The following CACNA1A variants were observed in gnomAD, a reference collection of about 807,000 sequenced individuals.
The protein encoded by CACNA1A is calcium voltage-gated channel subunit alpha1 A.
In CACNA1A, 57 loss-of-function variants were observed where a neutral mutation model predicts 262.4. The observed-to-expected ratio is 0.22, with a 90% CI of 0.18 to 0.27. The LOEUF is 0.27. CACNA1A is among the 10% of genes least tolerant of loss of function. CACNA1A has a pLI of 1.00. For missense variants in CACNA1A, 2,526 were observed against 3,562.8 expected (o/e 0.71, Z 7.41); for synonymous variants, 1,431 against 1,419.3 (o/e 1.01, Z -0.18).
rs779044548 is a variant in CACNA1A, at chr19:13,209,440, C to T, written c.6398G>A (p.Arg2133Gln). Reference protein sequence around the residue: ...RSASVLGPKARRLDDYSLERV... With the variant: ...RSASVLGPKAQRLDDYSLERV... Reference sequence around the variant, plus strand: ...CTCCAGCGAGTAATCGTCCAGGCGTCGGGCCTTGGGGCCCAGCACGGAGGC... The same window carrying T: ...CTCCAGCGAGTAATCGTCCAGGCGTTGGGCCTTGGGGCCCAGCACGGAGGC... The change falls in exon 45 of 47, where the codon CGA (arginine) becomes CAA (glutamine). Residue 2133 changes from arginine (R) to glutamine (Q), a missense_variant. By Grantham distance (43) the Arg-to-Gln change is conservative. Coordinates refer to ENST00000360228, the MANE Select transcript of CACNA1A (RefSeq NM_001127222.2). 1.3e-5 allele frequency: 18 copies of T among 1,378,828 alleles called. No homozygotes were observed. Among genetic ancestry groups the T allele is most frequent in the South Asian group, 3.8e-5 (2 of 52,238 alleles). The allele number at this position is 1,378,828 out of a possible 1,614,324, so 85.4% of individuals were successfully genotyped here. A position where few individuals can be genotyped will look rare whatever the true frequency, so the allele number is the denominator to read the frequency against.
intron 3 of CACNA1A, among the ~76,000 whole-genome samples, chr19:13,379,582 A>G (rs1192779322): frequency 6.6e-6 from 1 of 152,108 alleles, no homozygotes; most frequent in Admixed American, 6.5e-5. Context: ...CATTTCTATC[A>G]GTAAAGGCAC....
At chr19:13,245,482 C>G in intron 30 of CACNA1A, 1 of 560,650 alleles carries the variant, frequency 1.8e-6, no homozygotes, top group Non-Finnish European at 3.2e-6. Flanking sequence ...ATTGGCCTGG[C>G]CCCAGAGGGG....
intron 1 of CACNA1A, among the ~76,000 whole-genome samples, chr19:13,483,257 T>G (rs139267360): frequency 6.6e-6 from 1 of 152,128 alleles, no homozygotes; most frequent in Non-Finnish European, 1.5e-5. Flanking sequence ...AATCACCACA[T>G]GGAATGCCAC....
rs771768635 is a variant in CACNA1A at position 13,212,496 on chromosome 19, T to C, written c.6077A>G (p.Glu2026Gly). 8.2e-6 allele frequency: 13 copies of C among 1,585,300 alleles called. No individual in the cohort carries two copies. In the Admixed American group the frequency reaches 2.4e-4, roughly 29 times the overall value. Residue 2026 changes from glutamate to glycine, a missense_variant, in exon 42 of 47, where the codon GAG becomes GGG. This residue lies in a region of CACNA1A where 929 missense variants were observed against 868.1 expected (regional missense o/e 1.07). Coordinates refer to ENST00000360228, the MANE Select transcript of CACNA1A (RefSeq NM_001127222.2). This position sits in a 1 kb window ranked among gnomAD's most constrained non-coding sequence, Gnocchi z 5.6. ...ALMAHESGLKESPSWVTQRAQ... is the reference protein window; with the variant it reads ...ALMAHESGLKGSPSWVTQRAQ... ...ACGCTGGGTCACCCAGGACGGGCTCTCCTTGAGGCCGCTTTCGTGAGCCAT... is the reference window on the plus strand; with the variant it reads ...ACGCTGGGTCACCCAGGACGGGCTCCCCTTGAGGCCGCTTTCGTGAGCCAT...
At chr19:13,210,494 T>G in intron 44 of CACNA1A, 123 bp downstream of exon 44, 1 of 763,154 alleles carries the variant, frequency 1.3e-6, no homozygotes, top group South Asian at 1.7e-5. Context: ...GGGGAGAGGG[T>G]GCGATTGCCA....
intron 24 of CACNA1A, chr19:13,275,207 G>A (rs904142942): frequency 6.5e-6 from 1 of 152,834 alleles, no homozygotes; most frequent in African/African-American, 2.4e-5. Flanking sequence ...TGATAGCTCA[G>A]AACTCAGGGG....
chr19:13,416,537 C>T (rs963047558), intron 3 of CACNA1A, among the ~76,000 whole-genome samples: 7 of 151,772 alleles, frequency 4.6e-5, no homozygotes, highest in Admixed American at 1.3e-4. Flanking sequence ...AAAAATCGGC[C>T]GGGCGCGGTG....
At chr19:13,299,398 T>C (rs2057742788) in intron 18 of CACNA1A, 45 bp from the exon 19 acceptor site, 16 of 1,557,596 alleles carry the variant, frequency 1.0e-5, no homozygotes, top group African/African-American at 1.4e-5. Flanking sequence ...CTAGGCACTG[T>C]AGCTTGGATG....
intron 37 of CACNA1A, chr19:13,225,054 T>G: frequency 2.8e-6 from 1 of 356,016 alleles, no homozygotes; most frequent in South Asian, 4.0e-5. Context: ...CCTCAACCCT[T>G]GCCCCACCCC....
intron 30 of CACNA1A, chr19:13,245,577 CGA>C (rs1421617633): frequency 1.1e-5 from 4 of 354,410 alleles, no homozygotes; most frequent in Non-Finnish European, 2.1e-5. Flanking sequence ...TGAGGGCTCC[CGA>C]GACCCCAGGG....
intron 38 of CACNA1A, among the ~76,000 whole-genome samples, chr19:13,216,763 C>T (rs138695026): frequency 0.011 from 1,719 of 151,964 alleles, 11 homozygotes; most frequent in Non-Finnish European, 0.015. Flanking sequence ...CTTTGTTCAC[C>T]GAAGCCTTGA....
chr19:13,243,178 CA>C (rs2056126940), intron 31 of CACNA1A, among the ~76,000 whole-genome samples: 1 of 152,212 alleles, frequency 6.6e-6, no homozygotes, highest in Admixed American at 6.5e-5. Context: ...AAACTCAGGA[CA>C]GGGGAGAATG....
In CACNA1A at chr19:13,411,985, G is replaced by A. The variant is rs2060119628; in HGVS notation, c.540-40206C>T. On this transcript the variant is annotated intron_variant, in intron 3 of 46. Coordinates refer to ENST00000360228, the MANE Select transcript of CACNA1A (RefSeq NM_001127222.2). Reference sequence around the variant, plus strand: ...CCCCACTTGGCCTCCTAAAGTGCTGGGATTACAGGTGTGACCCACCGTGCC... The same window carrying A: ...CCCCACTTGGCCTCCTAAAGTGCTGAGATTACAGGTGTGACCCACCGTGCC... 2.0e-5 allele frequency among the ~76,000 whole-genome samples: 3 copies of A among 148,352 alleles called. No individual in the cohort carries two copies. The South Asian group carries it at 6.5e-4, about 32-fold the overall frequency.
chr19:13,333,408 C>G (rs1239986237), intron 8 of CACNA1A, among the ~76,000 whole-genome samples: 1 of 152,022 alleles, frequency 6.6e-6, no homozygotes, highest in Non-Finnish European at 1.5e-5. Context: ...GAGAAGCCTT[C>G]CCTGACCACC....
chr19:13,498,067 G>A (rs1047194431), intron 1 of CACNA1A, among the ~76,000 whole-genome samples: 6 of 151,726 alleles, frequency 4.0e-5, no homozygotes, highest in African/African-American at 9.7e-5. Context: ...AACATGCCAC[G>A]AACACATTTC....
intron 1 of CACNA1A, among the ~76,000 whole-genome samples, chr19:13,500,179 G>C (rs1982205959): frequency 6.6e-6 from 1 of 152,214 alleles, no homozygotes; most frequent in Non-Finnish European, 1.5e-5. Context: ...GGGTAGATCA[G>C]ATAGATGTTA....
At chr19:13,271,223 T>TTTTTC (rs2057011459) in intron 24 of CACNA1A, 1 of 139,386 alleles carries the variant, frequency 7.2e-6, no homozygotes. Context: ...TGTTTTTTTT[T>TTTTTC]TTTTTTTTTT....
chr19:13,366,793 C>T (rs368651608), intron 4 of CACNA1A, among the ~76,000 whole-genome samples: 149 of 152,148 alleles, frequency 9.8e-4, no homozygotes, highest in Non-Finnish European at 1.9e-3. Flanking sequence ...CATAAAAGGC[C>T]GCCATATAGG....
chr19:13,290,578 T>C (rs2057510434), intron 19 of CACNA1A, among the ~76,000 whole-genome samples: 1 of 151,978 alleles, frequency 6.6e-6, no homozygotes, highest in Admixed American at 6.6e-5. Context: ...TGCCTGGTTA[T>C]TTTTATTAAT....
Sources: allele counts gnomAD v4.1 joint callset (sites outside exome capture counted in the v4.1 genomes callset), GRCh38; gene constraint gnomAD v4.1.1; regional missense constraint gnomAD v4.1.1; non-coding constraint Gnocchi (gnomAD v3.1); transcripts MANE v1.5; gene names NCBI Gene and HGNC (gene_info 2026-07-23, HGNC 2026-07-21).